DOCK2: variants seen among roughly 807,000 people sequenced by gnomAD.
The protein encoded by DOCK2 is dedicator of cytokinesis 2.
DOCK2 carries 87 observed loss-of-function variants against 248.9 expected under a neutral mutation model. The ratio of observed to expected loss-of-function variants is 0.35; its 90% CI spans 0.29 to 0.42. DOCK2 has a LOEUF of 0.42. Ranked by LOEUF, DOCK2 falls within the 10% of genes least tolerant of loss-of-function variation. The probability of loss-of-function intolerance (pLI) is 1.00; values close to 1 mark genes in which losing one functional copy is unlikely to be tolerated. For missense variants in DOCK2, 1,747 were observed against 2,300.2 expected, an observed-to-expected ratio of 0.76 and a Z score of 4.92; for synonymous variants, 805 against 821.6, an observed-to-expected ratio of 0.98 and a Z score of 0.35.
intron 1 of DOCK2, among the ~76,000 whole-genome samples, chr5:169,650,019 G>T (rs1757711514): frequency 6.6e-6 from 1 of 152,108 alleles, no homozygotes; most frequent in Non-Finnish European, 1.5e-5. Flanking sequence ...GGCCAGGCTG[G>T]TCTCAAACTC....
intron 2 of DOCK2, among the ~76,000 whole-genome samples, chr5:169,666,683 A>C (rs919475042): frequency 2.6e-5 from 4 of 152,228 alleles, no homozygotes; most frequent in African/African-American, 9.7e-5. Flanking sequence ...GCCAGAAAAA[A>C]GTCATAAGGA....
chr5:170,040,132 G>A lies in DOCK2; in HGVS notation c.3666-923G>A, dbSNP rs186862231. Among the ~76,000 whole-genome samples the A allele has an allele frequency of 2.0e-5, 3 of 152,314 alleles. No individual in the cohort carries two copies. In the East Asian group the frequency reaches 5.8e-4, roughly 29 times the overall value. On this transcript the variant is annotated intron_variant, in intron 36 of 51. Transcript: ENST00000520908. ...CAAGCTGTCATGTATTGAGCCTTTTGTAAGACACACATGGTCTCCTTGGCC... is the reference window on the plus strand; with the variant it reads ...CAAGCTGTCATGTATTGAGCCTTTTATAAGACACACATGGTCTCCTTGGCC...
rs756242440 is a variant in DOCK2 at position 170,042,018 on chromosome 5, G to C, written c.3762G>C (p.Ser1254=). ...LLLHTWLLKW[S]DEQCASQVMQ... ...CCTGTGTCTTCTCTTCACAGTGGTCGGATGAGCAGTGTGCATCACAGGTCA... is the reference window on the plus strand; with the variant it reads ...CCTGTGTCTTCTCTTCACAGTGGTCCGATGAGCAGTGTGCATCACAGGTCA... The change falls in exon 38 of 52, where the codon TCG becomes TCC. Residue 1254 remains serine, a synonymous_variant. Coordinates refer to ENST00000520908, the MANE Select transcript of DOCK2 (RefSeq NM_004946.3). 6.3e-5 allele frequency: 102 copies of C among 1,613,046 alleles called. 1 individual carries two copies. Among genetic ancestry groups the C allele is most frequent in the South Asian group, 6.3e-4 (57 of 90,992 alleles).
At chr5:169,785,171 C>G (rs890409306) in intron 25 of DOCK2, among the ~76,000 whole-genome samples, 3 of 152,194 alleles carry the variant, frequency 2.0e-5, no homozygotes, top group African/African-American at 7.2e-5. Flanking sequence ...AAAGTTGGAT[C>G]AGCAGCCAAT....
At chr5:169,872,916 G>A (rs534505968) in intron 27 of DOCK2, among the ~76,000 whole-genome samples, 3 of 152,318 alleles carry the variant, frequency 2.0e-5, no homozygotes, top group East Asian at 1.9e-4. Flanking sequence ...GGAATGAAAC[G>A]ATAGACATAT....
rs76857037 is a variant in DOCK2 at position 169,857,373 on chromosome 5, G to T, written c.2799+16521G>T. 5.9e-3 allele frequency among the ~76,000 whole-genome samples: 894 copies of T among 152,318 alleles called. 10 individuals are homozygous for T. The highest frequency in any genetic ancestry group is 0.021 in the African/African-American group (870 of 41,584). ...CATCAATATTCAGGACAAAGATCTTGGCAGGGGGAAGGGTACTGGGAGCAA... is the reference window on the plus strand; with the variant it reads ...CATCAATATTCAGGACAAAGATCTTTGCAGGGGGAAGGGTACTGGGAGCAA... On this transcript the variant is annotated intron_variant, in intron 27 of 51. Transcript: ENST00000520908.
At chr5:169,749,065 A>G (rs1422731253) in intron 23 of DOCK2, among the ~76,000 whole-genome samples, 3 of 152,238 alleles carry the variant, frequency 2.0e-5, no homozygotes, top group African/African-American at 4.8e-5. Flanking sequence ...CTGACATCAC[A>G]TGGGCTTCAC....
intron 22 of DOCK2, among the ~76,000 whole-genome samples, chr5:169,743,635 T>C (rs1435551778): frequency 1.3e-5 from 2 of 151,602 alleles, no homozygotes; most frequent in Non-Finnish European, 2.9e-5. Context: ...TTCAGAAAAG[T>C]AATTAACTGA....
chr5:169,879,252 A>G (rs1772500565), intron 27 of DOCK2, among the ~76,000 whole-genome samples: 1 of 152,198 alleles, frequency 6.6e-6, no homozygotes. Flanking sequence ...CATCGGGGAG[A>G]GAGATCACGG....
intron 27 of DOCK2, among the ~76,000 whole-genome samples, chr5:169,845,818 A>G (rs1223470103): frequency 6.6e-6 from 1 of 152,266 alleles, no homozygotes; most frequent in Middle Eastern, 3.2e-3. Context: ...TGCGGCAAGC[A>G]TACTTCACTA....
chr5:170,039,332 T>C (rs917670170), intron 36 of DOCK2, among the ~76,000 whole-genome samples: 3 of 152,204 alleles, frequency 2.0e-5, no homozygotes, highest in African/African-American at 4.8e-5. Flanking sequence ...CCTAGTACCA[T>C]AGACCACTCC....
chr5:170,031,805 A>C (rs776298218), intron 34 of DOCK2, among the ~76,000 whole-genome samples: 5 of 152,136 alleles, frequency 3.3e-5, no homozygotes, highest in Non-Finnish European at 7.3e-5. Context: ...TCCATGCATA[A>C]AGAATAGGAA....
chr5:169,746,736 G>A (rs1763636801), intron 22 of DOCK2, among the ~76,000 whole-genome samples: 1 of 152,138 alleles, frequency 6.6e-6, no homozygotes, highest in African/African-American at 2.4e-5. Context: ...TATTATTATA[G>A]GCATTGAAAG....
intron 23 of DOCK2, among the ~76,000 whole-genome samples, chr5:169,756,762 C>A (rs1016954757): frequency 4.6e-5 from 7 of 152,018 alleles, no homozygotes; most frequent in African/African-American, 1.4e-4. Context: ...CCCATCTCAA[C>A]TAAAAATACA....
At chr5:169,737,130 C>A (rs1003852292) in intron 22 of DOCK2, among the ~76,000 whole-genome samples, 5 of 152,128 alleles carry the variant, frequency 3.3e-5, no homozygotes, top group Admixed American at 1.3e-4. Flanking sequence ...AGGAATACTT[C>A]TCTGAGGAAG....
chr5:169,797,404 T>A (rs1403062566), intron 25 of DOCK2, among the ~76,000 whole-genome samples: 3 of 152,228 alleles, frequency 2.0e-5, no homozygotes, highest in Non-Finnish European at 2.9e-5. Context: ...AAGGGTCCTC[T>A]TATTTGAAGT....
At chr5:169,916,402 C>T (rs1052349769) in intron 27 of DOCK2, among the ~76,000 whole-genome samples, 4 of 152,178 alleles carry the variant, frequency 2.6e-5, no homozygotes, top group African/African-American at 9.7e-5. Flanking sequence ...TCCTATCACC[C>T]CTGTTCTGGA....
Position 169,654,460 on chromosome 5 carries a change from T to C in DOCK2, c.101T>C (p.Val34Ala). Residue 34 changes from valine (V) to alanine (A), a missense_variant, in exon 2 of 52, where the codon GTG becomes GCG. Physicochemically the swap from Val to Ala is moderately conservative, Grantham distance 64. Around this residue, in one of 4 missense-constraint regions of DOCK2, gnomAD observed 375 missense variants for 510.9 expected, o/e 0.73. Transcript: ENST00000520908. ...APQLSLQIGDVVRIQETCGDW... is the reference protein window; with the variant it reads ...APQLSLQIGDAVRIQETCGDW... ...CAGCTCTCCCTGCAGATCGGCGATG[T>C]GGTGCGAATACAGGAGACGTGTGGA... 1.2e-6 allele frequency: 2 copies of C among 1,614,188 alleles called. No individual in the cohort carries two copies. The highest frequency in any genetic ancestry group is 1.7e-6 in the Non-Finnish European group (2 of 1,180,030).
intron 25 of DOCK2, among the ~76,000 whole-genome samples, chr5:169,795,967 G>A (rs1022651604): frequency 6.6e-6 from 1 of 152,184 alleles, no homozygotes; most frequent in African/African-American, 2.4e-5. Flanking sequence ...GGCCAAAGCC[G>A]AATGAATTTC....
Sources: allele counts gnomAD v4.1 joint callset (sites outside exome capture counted in the v4.1 genomes callset), GRCh38; gene constraint gnomAD v4.1.1; regional missense constraint gnomAD v4.1.1; transcripts MANE v1.5; gene names NCBI Gene and HGNC (gene_info 2026-07-23, HGNC 2026-07-21).